ZMAT3: variants seen among roughly 807,000 people sequenced by gnomAD.
ZMAT3 encodes zinc finger matrin-type protein 3.
Under a neutral mutation model 32.3 loss-of-function variants are expected in ZMAT3, and 17 were observed. That is an observed-to-expected ratio of 0.53 (90% CI 0.36 to 0.79). The LOEUF (loss-of-function observed/expected upper bound fraction) is 0.79, where lower values mean the gene tolerates loss of function less well. Ranked by LOEUF, ZMAT3 falls within the 30% of genes least tolerant of loss-of-function variation. The pLI is 0.00. For synonymous variants in ZMAT3, 120 were observed against 133.1 expected (o/e 0.90, Z 0.68); for missense variants, 329 against 359.7 (o/e 0.91, Z 0.69).
At chr3:179,058,911 G>A (rs1721007304) in intron 2 of ZMAT3, among the ~76,000 whole-genome samples, 1 of 151,068 alleles carries the variant, frequency 6.6e-6, no homozygotes, top group African/African-American at 2.5e-5. Context: ...CTAGAATTAG[G>A]AGAAGGAAAA....
At chr3:179,031,452 T>G (rs1010205623) in intron 2 of ZMAT3, among the ~76,000 whole-genome samples, 1 of 152,006 alleles carries the variant, frequency 6.6e-6, no homozygotes, top group Non-Finnish European at 1.5e-5. Context: ...CCTTCACACA[T>G]ACACAACCCT....
intron 2 of ZMAT3, among the ~76,000 whole-genome samples, chr3:179,041,600 T>C (rs1025716709): frequency 3.3e-5 from 5 of 152,146 alleles, no homozygotes; most frequent in Non-Finnish European, 4.4e-5. Flanking sequence ...AGAGGGAAAT[T>C]TATAGCACTA....
At position 179,021,785 on chromosome 3, in the gene ZMAT3, T is replaced by C. The variant is rs191331256; in HGVS notation, c.*3232A>G. On this transcript the variant is annotated 3_prime_UTR_variant, in exon 6 of 6. Coordinates refer to ENST00000311417, the MANE Select transcript of ZMAT3 (RefSeq NM_022470.4). ...TTATGGAATACATGAATATGAGAAA[T>C]TGTACCATGCAGAGATGTATCTATT... 6 of 152,210 alleles carry C rather than the reference T, an allele frequency of 3.9e-5. No individual in the cohort carries two copies. Among genetic ancestry groups the C allele is most frequent in the Non-Finnish European group, 8.8e-5 (6 of 68,028 alleles). 9.4% of individuals were successfully genotyped at this position (152,210 alleles called of 1,614,324 possible).
At position 179,019,075 on chromosome 3, in the gene ZMAT3, C is replaced by T. The variant is rs1718413947; in HGVS notation, c.*5942G>A. 1 of 152,072 alleles carries T rather than the reference C, an allele frequency of 6.6e-6. No individual in the cohort carries two copies. The highest frequency in any genetic ancestry group is 1.5e-5 in the Non-Finnish European group (1 of 67,992). 9.4% of individuals were successfully genotyped at this position (152,072 alleles called of 1,614,324 possible). On this transcript the variant is annotated 3_prime_UTR_variant, in exon 6 of 6. Coordinates refer to ENST00000311417, the MANE Select transcript of ZMAT3 (RefSeq NM_022470.4). ...TTCATAAACCCCAATCAGTAATTTA[C>T]AGTTTTTTGAAGAAGCTGCATAGTT...
At chr3:179,043,295 G>A (rs1016753509) in intron 2 of ZMAT3, among the ~76,000 whole-genome samples, 8 of 152,196 alleles carry the variant, frequency 5.3e-5, no homozygotes, top group Admixed American at 1.3e-4. Flanking sequence ...GAACAAAGCT[G>A]GAGGCATCAT....
intron 2 of ZMAT3, among the ~76,000 whole-genome samples, chr3:179,035,605 CTTG>C (rs1433553601): frequency 6.8e-5 from 9 of 132,042 alleles, no homozygotes; most frequent in African/African-American, 2.3e-4. Flanking sequence ...AGTTTGTTGA[CTTG>C]TTTTTTTTTC....
chr3:179,032,897 G>C (rs79005236), intron 2 of ZMAT3, among the ~76,000 whole-genome samples: 1 of 149,100 alleles, frequency 6.7e-6, no homozygotes, highest in Non-Finnish European at 1.5e-5. Flanking sequence ...CCGCTACACC[G>C]TCTGGGAGGT....
At chr3:179,042,383 G>T (rs1201748129) in intron 2 of ZMAT3, among the ~76,000 whole-genome samples, 1 of 152,062 alleles carries the variant, frequency 6.6e-6, no homozygotes, top group African/African-American at 2.4e-5. Context: ...ACCATGATCA[G>T]GTCAGCTTCA....
At chr3:179,069,078 T>C (rs1426446080) in intron 1 of ZMAT3, among the ~76,000 whole-genome samples, 2 of 127,424 alleles carry the variant, frequency 1.6e-5, no homozygotes, top group Non-Finnish European at 3.2e-5. Flanking sequence ...CCTTAGATTA[T>C]ATTCATCAGC....
intron 2 of ZMAT3, among the ~76,000 whole-genome samples, chr3:179,041,007 G>A (rs1402331362): frequency 6.6e-6 from 1 of 151,962 alleles, no homozygotes; most frequent in East Asian, 1.9e-4. Context: ...AATGGTAAAG[G>A]GATCAATTCA....
At chr3:179,025,366 T>A in intron 5 of ZMAT3, 138 bp from the exon 6 acceptor site, 2 of 732,056 alleles carry the variant, frequency 2.7e-6, no homozygotes, top group African/African-American at 1.8e-5. Context: ...AATGTGAAGT[T>A]AATGGATTTT....
chr3:179,058,834 T>C (rs1032093073), intron 2 of ZMAT3, among the ~76,000 whole-genome samples: 1 of 124,108 alleles, frequency 8.1e-6, no homozygotes, highest in Non-Finnish European at 1.8e-5. Flanking sequence ...ATGGAATACT[T>C]GAAAGTAATT....
chr3:179,053,300 G>C (rs957057024), intron 2 of ZMAT3, among the ~76,000 whole-genome samples: 1 of 150,034 alleles, frequency 6.7e-6, no homozygotes, highest in Admixed American at 6.6e-5. Flanking sequence ...TATAGATATA[G>C]AATATCTATA....
rs565158875 is a variant in ZMAT3 at position 179,021,385 on chromosome 3, C to T, written c.*3632G>A. 1 of 152,276 alleles carries T rather than the reference C, an allele frequency of 6.6e-6. No individual in the cohort carries two copies. Among genetic ancestry groups the T allele is most frequent in the African/African-American group, 2.4e-5 (1 of 41,558 alleles). The allele number at this position is 152,276 out of a possible 1,614,324, so 9.4% of individuals were successfully genotyped here. A position where few individuals can be genotyped will look rare whatever the true frequency, so the allele number is the denominator to read the frequency against. ...ATCTTTTAGTTGAAACACGAATTTT[C>T]TTTCTTTACAACTTCTTACCCTCAA... On this transcript the variant is annotated 3_prime_UTR_variant, in exon 6 of 6. Transcript: ENST00000311417.
At chr3:179,033,930 A>G (rs916931319) in intron 2 of ZMAT3, among the ~76,000 whole-genome samples, 2 of 152,182 alleles carry the variant, frequency 1.3e-5, no homozygotes, top group Admixed American at 1.3e-4. Flanking sequence ...CAAATCAAAG[A>G]ATGGCCCTTT....
chr3:179,042,767 G>A (rs947320574), intron 2 of ZMAT3, among the ~76,000 whole-genome samples: 6 of 152,222 alleles, frequency 3.9e-5, no homozygotes, highest in Admixed American at 2.0e-4. Context: ...TCAATTAGGA[G>A]AAGAGGAAGT....
At chr3:179,051,938 T>C (rs1720587104) in intron 2 of ZMAT3, among the ~76,000 whole-genome samples, 1 of 152,192 alleles carries the variant, frequency 6.6e-6, no homozygotes, top group Non-Finnish European at 1.5e-5. Flanking sequence ...AAGGACACTC[T>C]ATTGAACAAA....
At chr3:179,034,231 A>T (rs920243180) in intron 2 of ZMAT3, among the ~76,000 whole-genome samples, 9 of 152,234 alleles carry the variant, frequency 5.9e-5, no homozygotes, top group Non-Finnish European at 8.8e-5. Context: ...CAGATACCTA[A>T]GCAGCTAAAT....
At chr3:179,047,947 AATAG>A (rs1193744745) in intron 2 of ZMAT3, among the ~76,000 whole-genome samples, 5 of 152,144 alleles carry the variant, frequency 3.3e-5, no homozygotes, top group East Asian at 1.9e-4. Context: ...TGTTCAGTGA[AATAG>A]ATAGCATAAA....
Sources: allele counts gnomAD v4.1 joint callset (sites outside exome capture counted in the v4.1 genomes callset), GRCh38; gene constraint gnomAD v4.1.1; transcripts MANE v1.5; gene names NCBI Gene and HGNC (gene_info 2026-07-23, HGNC 2026-07-21).